APOOL: variants seen among roughly 807,000 people sequenced by gnomAD.
APOOL encodes the protein apolipoprotein O like.
A neutral mutation model predicts 23.1 loss-of-function variants in APOOL; 12 were observed. The observed-to-expected ratio is 0.52, with a 90% confidence interval of 0.33 to 0.84. The LOEUF is 0.84. APOOL is among the 40% of genes least tolerant of loss of function. The pLI is 0.02. For missense variants in APOOL, 212 were observed against 199.6 expected, an observed-to-expected ratio of 1.06 and a Z score of -0.37; for synonymous variants, 77 against 69.9, an observed-to-expected ratio of 1.10 and a Z score of -0.51.
intron 2 of APOOL, among the ~76,000 whole-genome samples, chrX:85,048,008 A>G (rs1569456639): frequency 9.0e-6 from 1 of 111,672 alleles, no homozygotes; most frequent in East Asian, 2.8e-4. Flanking sequence ...TGTAATCAGT[A>G]CTTGTTGAAC....
intron 3 of APOOL, among the ~76,000 whole-genome samples, 195 bp downstream of exon 3, chrX:85,051,703 CAG>C (rs989455575): frequency 7.1e-5 from 8 of 112,053 alleles, no homozygotes; most frequent in African/African-American, 2.3e-4. Context: ...GTGGCATTGA[CAG>C]AGGTGGCCCA....
intron 1 of APOOL, among the ~76,000 whole-genome samples, chrX:85,037,912 G>A (rs1922268347): frequency 9.0e-6 from 1 of 111,210 alleles, no homozygotes; most frequent in Non-Finnish European, 1.9e-5. Flanking sequence ...GTAGACATCA[G>A]TCTAGGCAAA....
At chrX:85,050,267 A>T (rs1922717627) in intron 2 of APOOL, among the ~76,000 whole-genome samples, 1 of 111,668 alleles carries the variant, frequency 9.0e-6, no homozygotes, top group South Asian at 3.7e-4. Context: ...AACTTTAGAT[A>T]AAAAAACTGA....
chrX:85,026,693 A>G (rs1921857358), intron 1 of APOOL, among the ~76,000 whole-genome samples: 1 of 111,798 alleles, frequency 8.9e-6, no homozygotes, highest in South Asian at 3.8e-4. Context: ...TCCCTAGGAC[A>G]TGGACACAAT....
At chrX:85,075,893 A>G (rs1404087801) in intron 8 of APOOL, among the ~76,000 whole-genome samples, 3 of 111,702 alleles carry the variant, frequency 2.7e-5, no homozygotes, top group Middle Eastern at 4.2e-3. Context: ...GAGCTGCTGT[A>G]AAAAATACCA....
intron 8 of APOOL, among the ~76,000 whole-genome samples, chrX:85,079,391 T>C (rs751095716): frequency 8.9e-5 from 10 of 111,916 alleles, no homozygotes; most frequent in African/African-American, 3.2e-4. Context: ...CTGGATTACA[T>C]TTATTGATTT....
intron 5 of APOOL, among the ~76,000 whole-genome samples, chrX:85,058,853 G>A (rs948781963): frequency 1.8e-5 from 2 of 109,929 alleles, no homozygotes; most frequent in Admixed American, 1.9e-4. Flanking sequence ...ATGTTTATTG[G>A]CCACATGTAT....
intron 1 of APOOL, among the ~76,000 whole-genome samples, chrX:85,044,823 C>G (rs1922520890): frequency 9.0e-6 from 1 of 111,403 alleles, no homozygotes; most frequent in South Asian, 3.7e-4. Context: ...CTTTTATAGT[C>G]TACATATTAT....
At chrX:85,063,821 GTTTTC>G (rs775290913) in intron 5 of APOOL, among the ~76,000 whole-genome samples, 156 of 110,357 alleles carry the variant, frequency 1.4e-3, no homozygotes, top group African/African-American at 4.9e-3. Context: ...TTGGCCTGAA[GTTTTC>G]TTTTCTTTTC....
chrX:85,092,301 G>GT lies in APOOL; in HGVS notation c.*4624dup. 1.0e-6 allele frequency: 1 copy of GT among 959,584 alleles called. No homozygotes were observed. The highest frequency in any genetic ancestry group is 1.4e-6 in the Non-Finnish European group (1 of 717,569). 79.1% of individuals were successfully genotyped at this position (959,584 alleles called of 1,213,427 possible). ...AACAAGAATGTGATGATCACTTGCT[G>GT]TATTGTACAACAAAGTCAAACTGCT... On this transcript the variant is annotated 3_prime_UTR_variant, in exon 9 of 9. Coordinates refer to ENST00000373173, the MANE Select transcript of APOOL (RefSeq NM_198450.6).
intron 8 of APOOL, among the ~76,000 whole-genome samples, chrX:85,077,007 A>ATATATATATACGTATATATATGTATG (rs1556376672): frequency 2.0e-5 from 2 of 98,471 alleles, no homozygotes; most frequent in Non-Finnish European, 4.0e-5. Context: ...ATATATATAT[A>ATATATATATACGTATATATATGTATG]TATATATATA....
chrX:85,011,769 G>A (rs760827483), intron 1 of APOOL, among the ~76,000 whole-genome samples: 44 of 111,784 alleles, frequency 3.9e-4, no homozygotes, highest in Non-Finnish European at 7.2e-4. Context: ...TTGAAGTTGG[G>A]TAATACGATG....
At chrX:85,051,058 G>A (rs1417695440) in intron 2 of APOOL, among the ~76,000 whole-genome samples, 2 of 110,968 alleles carry the variant, frequency 1.8e-5, no homozygotes, top group African/African-American at 6.5e-5. Flanking sequence ...TACTGTGGAT[G>A]GACATTGGGT....
intron 5 of APOOL, among the ~76,000 whole-genome samples, chrX:85,063,699 A>C (rs1923326678): frequency 9.0e-6 from 1 of 111,659 alleles, no homozygotes; most frequent in Non-Finnish European, 1.9e-5. Flanking sequence ...CCAGCCTTTC[A>C]TCCCAGGGAT....
At chrX:85,070,328 AAG>A (rs1025558438) in intron 6 of APOOL, among the ~76,000 whole-genome samples, 2 of 111,276 alleles carry the variant, frequency 1.8e-5, no homozygotes, top group African/African-American at 6.5e-5. Flanking sequence ...TGAAAAACAA[AAG>A]ACTCACTCCA....
At chrX:85,039,693 C>CT (rs1922344793) in intron 1 of APOOL, among the ~76,000 whole-genome samples, 1 of 111,287 alleles carries the variant, frequency 9.0e-6, no homozygotes, top group South Asian at 3.8e-4. Flanking sequence ...GGTTTAAAGT[C>CT]TTTTTTGTGT....
chrX:85,055,963 G>T, intron 5 of APOOL, 38 bp downstream of exon 5: 1 of 1,023,873 alleles, frequency 9.8e-7, no homozygotes, highest in African/African-American at 1.9e-5. Context: ...TTAATGCCAT[G>T]ATATTAGTTT....
At chrX:85,045,096 A>G (rs1242581966) in intron 1 of APOOL, among the ~76,000 whole-genome samples, 1 of 111,788 alleles carries the variant, frequency 8.9e-6, no homozygotes, top group African/African-American at 3.2e-5. Flanking sequence ...CATTTAAATT[A>G]TACCTAACAT....
chrX:85,078,788 G>C (rs757828139), intron 8 of APOOL, among the ~76,000 whole-genome samples: 3 of 110,790 alleles, frequency 2.7e-5, no homozygotes, highest in African/African-American at 9.8e-5. Flanking sequence ...TTATAGTTCT[G>C]TTGAAGAGGT....
Sources: allele counts gnomAD v4.1 joint callset (sites outside exome capture counted in the v4.1 genomes callset), GRCh38; gene constraint gnomAD v4.1.1; transcripts MANE v1.5; gene names NCBI Gene and HGNC (gene_info 2026-07-23, HGNC 2026-07-21).